The following ZNF141 variants were observed in gnomAD, a reference collection of about 807,000 sequenced individuals.
ZNF141 encodes zinc finger protein 141, also known as zinc finger protein 141 (clone pHZ-44).
ZNF141 carries 7 observed loss-of-function variants against 11.3 expected under a neutral mutation model. The ratio of observed to expected loss-of-function variants is 0.62; its 90% CI spans 0.35 to 1.16. The LOEUF (loss-of-function observed/expected upper bound fraction) is 1.16, where lower values mean the gene tolerates loss of function less well. Ranked by LOEUF, ZNF141 falls within the 50% of genes most tolerant of loss-of-function variation. ZNF141 has a pLI of 0.02. For synonymous variants in ZNF141, 183 were observed against 190.7 expected, an observed-to-expected ratio of 0.96 and a Z score of 0.33; for missense variants, 535 against 554.0, an observed-to-expected ratio of 0.97 and a Z score of 0.34.
chr4:375,577 T>G lies in ZNF141; in HGVS notation c.*1715T>G, dbSNP rs761180665. Among the ~76,000 whole-genome samples the G allele has an allele frequency of 6.6e-6, 1 of 152,052 alleles. No individual in the cohort carries two copies. The highest frequency in any genetic ancestry group is 1.5e-5 in the Non-Finnish European group (1 of 67,922). ...TTAGACACTGCAGTAAATCAGAGTA[T>G]TAAGTATTAAAAAAATCCAAAGTTG... On this transcript the variant is annotated 3_prime_UTR_variant, in exon 4 of 4. Coordinates refer to ENST00000240499, the MANE Select transcript of ZNF141 (RefSeq NM_003441.4).
At chr4:356,486 C>T (rs573963619) in intron 3 of ZNF141, among the ~76,000 whole-genome samples, 2 of 151,900 alleles carry the variant, frequency 1.3e-5, no homozygotes, top group South Asian at 2.1e-4. Flanking sequence ...CCACCACACC[C>T]GGTTAATTGT....
intron 3 of ZNF141, among the ~76,000 whole-genome samples, chr4:369,764 A>ATGTTTTTTTTTTTTTT: frequency 8.2e-5 from 4 of 48,724 alleles, no homozygotes; most frequent in Non-Finnish European, 1.2e-4. Flanking sequence ...ATATATATAT[A>ATGTTTTTTTTTTTTTT]TTTTTTTTTT....
At chr4:360,977 T>G (rs565587613) in intron 3 of ZNF141, among the ~76,000 whole-genome samples, 4 of 152,302 alleles carry the variant, frequency 2.6e-5, no homozygotes, top group Admixed American at 2.6e-4. Context: ...TACCATCTAT[T>G]TATTGTTTGA....
chr4:363,478 C>T (rs1418649741), intron 3 of ZNF141, among the ~76,000 whole-genome samples: 5 of 151,956 alleles, frequency 3.3e-5, no homozygotes, highest in African/African-American at 4.8e-5. Flanking sequence ...GCTTCCTGCC[C>T]GGGCGCAGTG....
At position 379,106 on chromosome 4, in the gene ZNF141, G is replaced by C. The variant is rs1243872096; in HGVS notation, c.*5244G>C. 6.6e-6 allele frequency among the ~76,000 whole-genome samples: 1 copy of C among 152,048 alleles called. No homozygotes were observed. Among genetic ancestry groups the C allele is most frequent in the Non-Finnish European group, 1.5e-5 (1 of 68,010 alleles). ...GATCCACGCACGTCAGCCTCCCAAA[G>C]TGCTGGGATTACCGGTGTGAGCCAC... On this transcript the variant is annotated 3_prime_UTR_variant, in exon 4 of 4. Transcript: ENST00000240499.
At chr4:356,320 A>G (rs994971180) in intron 3 of ZNF141, among the ~76,000 whole-genome samples, 1 of 150,574 alleles carries the variant, frequency 6.6e-6, no homozygotes, top group Non-Finnish European at 1.5e-5. Context: ...CTCACTTCTT[A>G]TTTGTTTGTT....
chr4:350,220 G>A, intron 3 of ZNF141: 1 of 534,692 alleles, frequency 1.9e-6, no homozygotes, highest in South Asian at 1.4e-5. Flanking sequence ...GGGCTCTTGA[G>A]TTGGCCATCT....
At position 375,776 on chromosome 4, in the gene ZNF141, C is replaced by T. The variant is rs1326434334; in HGVS notation, c.*1914C>T. 6.6e-6 allele frequency among the ~76,000 whole-genome samples: 1 copy of T among 151,974 alleles called. No homozygotes were observed. The highest frequency in any genetic ancestry group is 2.4e-5 in the African/African-American group (1 of 41,404). On this transcript the variant is annotated 3_prime_UTR_variant, in exon 4 of 4. Transcript: ENST00000240499. ...TTCAACATTCCTGTTTATGTGAAAG[C>T]ATGTGATGAATTGTTGCTGCATCAG...
At position 376,074 on chromosome 4, in the gene ZNF141, G is replaced by C. The variant is rs143637894; in HGVS notation, c.*2212G>C. ...TTAAAATTATTTTAAGATTATGTGG[G>C]AACATAATTTTTTAACTAAACAAAA... On this transcript the variant is annotated 3_prime_UTR_variant, in exon 4 of 4. Coordinates refer to ENST00000240499, the MANE Select transcript of ZNF141 (RefSeq NM_003441.4). 6.0e-3 allele frequency among the ~76,000 whole-genome samples: 906 copies of C among 152,074 alleles called. 15 individuals are homozygous for C. In the South Asian group the frequency reaches 0.063, roughly 11 times the overall value.
intron 3 of ZNF141, among the ~76,000 whole-genome samples, chr4:364,204 A>C (rs986532742): frequency 2.4e-4 from 36 of 152,206 alleles, no homozygotes; most frequent in Non-Finnish European, 5.9e-5. Flanking sequence ...TGCTGGCCTC[A>C]TAAAATGAGT....
intron 3 of ZNF141, among the ~76,000 whole-genome samples, chr4:352,033 C>T (rs1721628354): frequency 6.6e-6 from 1 of 152,072 alleles, no homozygotes; most frequent in Non-Finnish European, 1.5e-5. Flanking sequence ...GACCTGAAGT[C>T]ATCTCCAAAA....
chr4:368,337 G>A (rs1169124391), intron 3 of ZNF141, among the ~76,000 whole-genome samples: 2 of 152,068 alleles, frequency 1.3e-5, no homozygotes, highest in African/African-American at 2.4e-5. Context: ...CACGTCCCAG[G>A]TTCAAGCAAT....
chr4:353,373 T>TAAA (rs368418265), intron 3 of ZNF141, among the ~76,000 whole-genome samples: 4,699 of 139,552 alleles, frequency 0.034, 115 homozygotes, highest in Middle Eastern at 0.12. Context: ...AGACCCTGTC[T>TAAA]AAAAAAAAAA....
At chr4:349,403 C>A (rs116803324) in intron 3 of ZNF141, among the ~76,000 whole-genome samples, 2,319 of 152,310 alleles carry the variant, frequency 0.015, 23 homozygotes, top group Non-Finnish European at 0.024. Flanking sequence ...ATATTATCCA[C>A]AAACAGTAAC....
rs1043257779 is a variant in ZNF141, at chr4:376,435, A to G, written c.*2573A>G. On this transcript the variant is annotated 3_prime_UTR_variant, in exon 4 of 4. Transcript: ENST00000240499. ...AAATGAGTTATTCATCACCTCAAGC[A>G]TTCATCCTTTGTATTACACACAATC... Among the ~76,000 whole-genome samples, 3 of 152,102 alleles carry G rather than the reference A, an allele frequency of 2.0e-5. No homozygotes were observed. The highest frequency in any genetic ancestry group is 2.9e-5 in the Non-Finnish European group (2 of 67,920).
chr4:381,557 G>A lies in ZNF141; in HGVS notation c.*7695G>A, dbSNP rs1263282225. 6.6e-6 allele frequency among the ~76,000 whole-genome samples: 1 copy of A among 151,504 alleles called. No individual in the cohort carries two copies. The highest frequency in any genetic ancestry group is 1.5e-5 in the Non-Finnish European group (1 of 67,896). ...CTGAGTAGCTGGGACTAACAGGTGC[G>A]CCCCACCACGCCTGAAAAATTTTTG... On this transcript the variant is annotated 3_prime_UTR_variant, in exon 4 of 4. Coordinates refer to ENST00000240499, the MANE Select transcript of ZNF141 (RefSeq NM_003441.4).
At chr4:344,227 T>A (rs1171913206) in intron 2 of ZNF141, 108 bp from the exon 3 acceptor site, 9 of 1,091,754 alleles carry the variant, frequency 8.2e-6, no homozygotes, top group African/African-American at 1.6e-5. Context: ...TTGGATTAAT[T>A]TTCTAGAATC....
chr4:339,536 C>T (rs1365115140), intron 1 of ZNF141, among the ~76,000 whole-genome samples: 2 of 152,176 alleles, frequency 1.3e-5, no homozygotes, highest in Non-Finnish European at 2.9e-5. Context: ...TTTAGACCTG[C>T]CTGTTGTAGG....
intron 3 of ZNF141, among the ~76,000 whole-genome samples, chr4:346,211 T>C (rs540883778): frequency 3.9e-5 from 6 of 152,358 alleles, no homozygotes; most frequent in East Asian, 1.9e-4. Flanking sequence ...TAACGAGTTA[T>C]GTTTGAATGG....
Sources: gnomAD v4.1 joint callset for allele counts (sites outside exome capture counted in the v4.1 genomes callset) on GRCh38, gnomAD v4.1.1 for gene constraint, MANE v1.5 for transcripts, NCBI Gene and HGNC (gene_info 2026-07-23, HGNC 2026-07-21) for gene names.